Variants in ATP13A4 observed in about 807,000 individuals in gnomAD.
ATP13A4 encodes the protein probable cation-transporting ATPase 13A4.
In ATP13A4, 114 loss-of-function variants were observed where a neutral mutation model predicts 142.5. The ratio of observed to expected loss-of-function variants is 0.80; its 90% CI spans 0.69 to 0.93. The LOEUF is 0.93. ATP13A4 is among the 40% of genes least tolerant of loss of function. The pLI, the probability that ATP13A4 is intolerant of heterozygous loss-of-function variation, is 0.00. For missense variants in ATP13A4, 1,392 were observed against 1,454.0 expected (o/e 0.96, Z 0.69); for synonymous variants, 488 against 514.8 (o/e 0.95, Z 0.70).
chr3:193,514,165 A>G (rs140906623), intron 2 of ATP13A4, among the ~76,000 whole-genome samples: 5 of 152,136 alleles, frequency 3.3e-5, no homozygotes, highest in African/African-American at 1.2e-4. Flanking sequence ...GGTTTGTTGT[A>G]TAGATTATTT....
intron 1 of ATP13A4, among the ~76,000 whole-genome samples, chr3:193,545,223 C>G (rs1418353458): frequency 6.6e-6 from 1 of 152,044 alleles, no homozygotes; most frequent in East Asian, 1.9e-4. Context: ...ACTCAAGTAC[C>G]AGAGTTTCAA....
chr3:193,553,550 A>G (rs2108731067), intron 1 of ATP13A4: 1 of 152,400 alleles, frequency 6.6e-6, no homozygotes. Context: ...AAAGAAACAA[A>G]GATGATATCC....
intron 25 of ATP13A4, among the ~76,000 whole-genome samples, chr3:193,427,423 A>G (rs1031737557): frequency 6.6e-6 from 1 of 152,152 alleles, no homozygotes; most frequent in Non-Finnish European, 1.5e-5. Flanking sequence ...GCTACCAATG[A>G]CTTTCTTCAT....
chr3:193,492,380 C>G (rs560819005), intron 5 of ATP13A4, among the ~76,000 whole-genome samples: 1 of 152,262 alleles, frequency 6.6e-6, no homozygotes, highest in Admixed American at 6.5e-5. Flanking sequence ...TCTTGACATA[C>G]CAGTGCCCTC....
rs1212588994 is a variant in ATP13A4 at position 193,493,091 on chromosome 3, C to A, written c.451G>T (p.Gly151Cys). The A allele has an allele frequency of 6.2e-7, 1 of 1,613,116 alleles. No individual in the cohort carries two copies. The change falls in exon 4 of 30, where the codon GGT becomes TGT. Residue 151 changes from glycine to cysteine, a missense_variant and splice_region_variant. Coordinates refer to ENST00000342695, the MANE Select transcript of ATP13A4 (RefSeq NM_032279.4). ...NYLEGQFQKIGSLEDWLSSAK... is the reference protein window; with the variant it reads ...NYLEGQFQKICSLEDWLSSAK... Reference sequence around the variant, plus strand: ...GCTGTACTTGCTAAAACAACTTACCCAATTTTCTGGAACTGTCCTTCTAAG... The same window carrying A: ...GCTGTACTTGCTAAAACAACTTACCAAATTTTCTGGAACTGTCCTTCTAAG...
At chr3:193,562,743 C>A (rs952090855) in intron 2 of ATP13A4, among the ~76,000 whole-genome samples, 1 of 152,098 alleles carries the variant, frequency 6.6e-6, no homozygotes, top group Non-Finnish European at 1.5e-5. Flanking sequence ...TGGTGGCAGA[C>A]ACCTGTACTC....
At chr3:193,540,563 G>C (rs1050897066) in intron 1 of ATP13A4, among the ~76,000 whole-genome samples, 4 of 129,770 alleles carry the variant, frequency 3.1e-5, no homozygotes. Flanking sequence ...AACCCTTCTA[G>C]CTTATACAAA....
chr3:193,462,786 C>A lies in ATP13A4; in HGVS notation c.1499G>T (p.Gly500Val), dbSNP rs1192165021. 10 of 1,613,896 alleles carry A rather than the reference C, an allele frequency of 6.2e-6. No homozygotes were observed. Among genetic ancestry groups the A allele is most frequent in the Non-Finnish European group, 7.6e-6 (9 of 1,179,852 alleles). ...CCCATTCCTATCACAGGACACGACTCCCCAGAGGTCCAAGCCGTCCCTTGT... is the reference window on the plus strand; with the variant it reads ...CCCATTCCTATCACAGGACACGACTACCCAGAGGTCCAAGCCGTCCCTTGT... Reference protein sequence around the residue: ...TLTRDGLDLWGVVSCDRNGFQ... With the variant: ...TLTRDGLDLWVVVSCDRNGFQ... Residue 500 changes from glycine (G) to valine (V), a missense_variant, in exon 13 of 30, where the codon GGA becomes GTA. Physicochemically the swap from Gly to Val is moderately radical, Grantham distance 109 (BLOSUM62 -3). Transcript: ENST00000342695.
At position 193,433,109 on chromosome 3, in the gene ATP13A4, C is replaced by A. The variant is rs571200691; in HGVS notation, c.2842+736G>T. ...CAACATGAATGTTGGTTGAGATTTT[C>A]CTTTAGCTGAGCTAGTAAGACAAAA... is the stretch of plus-strand genomic sequence containing the variant. On this transcript the variant is annotated intron_variant, in intron 25 of 29. Transcript: ENST00000342695. Among the ~76,000 whole-genome samples, 34 of 152,234 alleles carry A rather than the reference C, an allele frequency of 2.2e-4. 1 individual carries two copies. The South Asian group carries it at 6.6e-3, about 30-fold the overall frequency.
chr3:193,438,186 T>C (rs1414271845), intron 23 of ATP13A4, among the ~76,000 whole-genome samples: 1 of 152,160 alleles, frequency 6.6e-6, no homozygotes, highest in Non-Finnish European at 1.5e-5. Context: ...GATAGTTACA[T>C]TTGAAAAATG....
At chr3:193,552,075 G>A (rs766168982) in intron 1 of ATP13A4, among the ~76,000 whole-genome samples, 1 of 152,164 alleles carries the variant, frequency 6.6e-6, no homozygotes, top group Non-Finnish European at 1.5e-5. Context: ...CCAGGTTCAC[G>A]CCATACTCCT....
intron 1 of ATP13A4, among the ~76,000 whole-genome samples, chr3:193,591,488 T>A (rs1724780224): frequency 1.3e-5 from 2 of 152,238 alleles, no homozygotes; most frequent in South Asian, 4.1e-4. Flanking sequence ...GGGAGATCAT[T>A]CCTTATCAGG....
At chr3:193,441,717 A>AGT in intron 19 of ATP13A4, 129 bp from the exon 20 acceptor site, 6 of 1,130,746 alleles carry the variant, frequency 5.3e-6, no homozygotes, top group Non-Finnish European at 7.8e-6. Context: ...GATTCCTCAG[A>AGT]GAAGCATTTT....
Position 193,546,444 on chromosome 3 carries a change from C to T in ATP13A4, c.60+8296G>A, listed in dbSNP as rs554987988. Among the ~76,000 whole-genome samples the T allele has an allele frequency of 1.2e-4, 19 of 152,312 alleles. No individual in the cohort carries two copies. The South Asian group carries it at 3.7e-3, about 30-fold the overall frequency. ...TCAGCTGCAGCACCCAAATGAAAGT[C>T]ATCTTCCCTGGCAATACTTGTTGTC... On this transcript the variant is annotated intron_variant, in intron 1 of 29. Transcript: ENST00000342695.
At chr3:193,518,807 T>C (rs746209391) in intron 1 of ATP13A4, among the ~76,000 whole-genome samples, 46 of 152,154 alleles carry the variant, frequency 3.0e-4, no homozygotes, top group Non-Finnish European at 5.9e-5. Flanking sequence ...TGCCTTGCTT[T>C]CTTTTTTCCC....
intron 2 of ATP13A4, among the ~76,000 whole-genome samples, chr3:193,568,644 A>C (rs1364935068): frequency 6.6e-6 from 1 of 152,210 alleles, no homozygotes; most frequent in Non-Finnish European, 1.5e-5. Flanking sequence ...TTCTAATGCC[A>C]TTCTCCAATA....
chr3:193,447,603 T>C (rs1717028909), intron 18 of ATP13A4, among the ~76,000 whole-genome samples: 1 of 152,234 alleles, frequency 6.6e-6, no homozygotes, highest in Admixed American at 6.5e-5. Context: ...TAAAAAATTA[T>C]AGCATCAGTG....
At chr3:193,555,177 G>A, upstream of ATP13A4, 2 of 353,454 alleles carry the variant, frequency 5.7e-6, no homozygotes, top group Non-Finnish European at 1.1e-5. Flanking sequence ...GGACAATACA[G>A]AGTTGGCAGG....
intron 8 of ATP13A4, among the ~76,000 whole-genome samples, chr3:193,474,322 CAAAA>C (rs1176133187): frequency 1.4e-5 from 1 of 69,090 alleles, no homozygotes; most frequent in Non-Finnish European, 2.8e-5. Context: ...GACTCCGTCT[CAAAA>C]AAAAAAAAAA....
Sources: allele counts gnomAD v4.1 joint callset (sites outside exome capture counted in the v4.1 genomes callset), GRCh38; gene constraint gnomAD v4.1.1; transcripts MANE v1.5; gene names NCBI Gene and HGNC (gene_info 2026-07-23, HGNC 2026-07-21).